Variants in FBXW7 observed in about 807,000 individuals in gnomAD.
FBXW7 encodes the protein F-box/WD repeat-containing protein 7.
In FBXW7, 11 loss-of-function variants were observed where a neutral mutation model predicts 86.3. The observed-to-expected ratio is 0.13, with a 90% CI of 0.08 to 0.21. The LOEUF is 0.21. Among genes scored for constraint, FBXW7 ranks in the 10% least tolerant of loss-of-function variants. FBXW7 has a pLI of 1.00. For missense variants in FBXW7, 488 were observed against 847.4 expected, an observed-to-expected ratio of 0.58 and a Z score of 5.27; for synonymous variants, 313 against 297.9, an observed-to-expected ratio of 1.05 and a Z score of -0.52.
chr4:152,483,462 G>A (rs1489330539), intron 2 of FBXW7, among the ~76,000 whole-genome samples: 1 of 151,542 alleles, frequency 6.6e-6, no homozygotes, highest in Non-Finnish European at 1.5e-5. Flanking sequence ...CCAGCTCTTT[G>A]GGAGGCTGAG....
At chr4:152,382,073 G>T in intron 4 of FBXW7, 1 of 587,002 alleles carries the variant, frequency 1.7e-6, no homozygotes, top group Non-Finnish European at 2.8e-6. Context: ...GCTACACAAT[G>T]CATTGATAGT....
At chr4:152,412,091 C>A (rs757553143) in intron 3 of FBXW7, among the ~76,000 whole-genome samples, 2 of 152,076 alleles carry the variant, frequency 1.3e-5, no homozygotes, top group African/African-American at 4.8e-5. Flanking sequence ...GTAAACAACA[C>A]TAATCCCTTT....
intron 2 of FBXW7, among the ~76,000 whole-genome samples, chr4:152,452,867 A>G (rs1052606613): frequency 6.6e-6 from 1 of 152,222 alleles, no homozygotes; most frequent in Non-Finnish European, 1.5e-5. Flanking sequence ...ATTAAAGACA[A>G]TTAGAGAACT....
intron 4 of FBXW7, among the ~76,000 whole-genome samples, chr4:152,359,836 T>C (rs13104667): frequency 0.044 from 6,685 of 152,120 alleles, 155 homozygotes; most frequent in Non-Finnish European, 0.053. Flanking sequence ...AATTGCCAAA[T>C]TGGGTGGAGT....
chr4:152,517,784 C>T (rs1388334085), intron 2 of FBXW7, among the ~76,000 whole-genome samples: 3 of 152,122 alleles, frequency 2.0e-5, no homozygotes, highest in Non-Finnish European at 4.4e-5. Context: ...TATAGTGGTG[C>T]CATATTAACA....
Position 152,536,010 on chromosome 4 carries a change from G to GGCA in FBXW7, c.-1097_-1096insTGC, listed in dbSNP as rs1561015711. 4 of 225,476 alleles carry GGCA rather than the reference G, an allele frequency of 1.8e-5. No individual in the cohort carries two copies. The highest frequency in any genetic ancestry group is 2.5e-5 in the Non-Finnish European group (3 of 117,722). The allele number at this position is 225,476 out of a possible 1,614,324, so 14.0% of individuals were successfully genotyped here. A position where few individuals can be genotyped will look rare whatever the true frequency, so the allele number is the denominator to read the frequency against. ...CGCTCTCAGTCTCAGCGGCGGCGGC[G>GGCA]GCGGCAGCGGCAGCGGCAGCGCCCG... On this transcript the variant is annotated 5_prime_UTR_variant, in exon 1 of 14. Transcript: ENST00000281708.
intron 2 of FBXW7, among the ~76,000 whole-genome samples, chr4:152,502,498 T>C (rs934961947): frequency 6.6e-6 from 1 of 152,166 alleles, no homozygotes; most frequent in Non-Finnish European, 1.5e-5. Flanking sequence ...ATAACACAAG[T>C]TGCAGTGATG....
chr4:152,346,344 T>C (rs1731262665), intron 6 of FBXW7, among the ~76,000 whole-genome samples: 1 of 152,120 alleles, frequency 6.6e-6, no homozygotes, highest in Admixed American at 6.6e-5. Context: ...TTACAAGCAA[T>C]GCAGTTTAGA....
At chr4:152,334,121 T>C (rs1009947339) in intron 7 of FBXW7, among the ~76,000 whole-genome samples, 3 of 152,180 alleles carry the variant, frequency 2.0e-5, no homozygotes, top group Admixed American at 6.5e-5. Flanking sequence ...ATATTCAATA[T>C]ACAAAATACT....
At chr4:152,341,364 G>C (rs1195554805) in intron 6 of FBXW7, among the ~76,000 whole-genome samples, 3 of 152,116 alleles carry the variant, frequency 2.0e-5, no homozygotes, top group Non-Finnish European at 4.4e-5. Context: ...TTGGAATATT[G>C]TTTCCCTAGA....
At position 152,510,710 on chromosome 4, in the gene FBXW7, G is replaced by GA. The variant is rs574065149; in HGVS notation, c.-120+24230dup. ...GGAAAATGCAAAAGACAGTGACTGGGAAAAAAATGAAACTTTCATGAGTTC... is the reference window on the plus strand; with the variant it reads ...GGAAAATGCAAAAGACAGTGACTGGGAAAAAAAATGAAACTTTCATGAGTTC... On this transcript the variant is annotated intron_variant, in intron 2 of 13. Transcript: ENST00000281708. Among the ~76,000 whole-genome samples the GA allele has an allele frequency of 2.1e-3, 326 of 152,210 alleles. 2 individuals are homozygous for GA. The highest frequency in any genetic ancestry group is 7.3e-3 in the African/African-American group (304 of 41,554).
chr4:152,472,259 G>C (rs1263605430), intron 2 of FBXW7, among the ~76,000 whole-genome samples: 1 of 152,152 alleles, frequency 6.6e-6, no homozygotes, highest in Non-Finnish European at 1.5e-5. Context: ...CTAAGCTGAA[G>C]ATAAACCCAA....
At chr4:152,401,709 T>G (rs966043495) in intron 4 of FBXW7, among the ~76,000 whole-genome samples, 1 of 152,108 alleles carries the variant, frequency 6.6e-6, no homozygotes, top group African/African-American at 2.4e-5. Flanking sequence ...ATGACAAAGG[T>G]AGATTCACTG....
intron 2 of FBXW7, among the ~76,000 whole-genome samples, chr4:152,426,714 A>G (rs1739421004): frequency 6.6e-6 from 1 of 152,166 alleles, no homozygotes; most frequent in African/African-American, 2.4e-5. Flanking sequence ...GATAACAGAC[A>G]AGTGTAGTGG....
chr4:152,334,553 T>C (rs1729883310), intron 7 of FBXW7, among the ~76,000 whole-genome samples: 1 of 152,228 alleles, frequency 6.6e-6, no homozygotes, highest in Non-Finnish European at 1.5e-5. Context: ...GCTTTCGTTA[T>C]CTAACTGAAG....
At chr4:152,426,861 G>A (rs1448688278) in intron 2 of FBXW7, among the ~76,000 whole-genome samples, 1 of 152,162 alleles carries the variant, frequency 6.6e-6, no homozygotes, top group African/African-American at 2.4e-5. Flanking sequence ...GAATAGAGAC[G>A]AAGGAAAGAG....
intron 2 of FBXW7, among the ~76,000 whole-genome samples, chr4:152,416,002 G>T (rs1738396117): frequency 6.6e-6 from 1 of 151,956 alleles, no homozygotes; most frequent in East Asian, 1.9e-4. Flanking sequence ...AGCAAAAATA[G>T]TACCTGCTAT....
intron 2 of FBXW7, among the ~76,000 whole-genome samples, chr4:152,460,170 C>T (rs900977): frequency 6.6e-6 from 1 of 151,944 alleles, no homozygotes; most frequent in Non-Finnish European, 1.5e-5. Flanking sequence ...TTTTTAGAAA[C>T]CTATTATACA....
At position 152,535,796 on chromosome 4, in the gene FBXW7, C is replaced by T. The variant is rs1287254015; in HGVS notation, c.-882G>A. ...CCCGTGGTAGCCGCCTCCCTGCCCCCCAAGCCGCCGGCTCCGGCTCAGGCT... is the reference window on the plus strand; with the variant it reads ...CCCGTGGTAGCCGCCTCCCTGCCCCTCAAGCCGCCGGCTCCGGCTCAGGCT... On this transcript the variant is annotated 5_prime_UTR_variant, in exon 1 of 14. Transcript: ENST00000281708. The T allele has an allele frequency of 1.0e-5, 4 of 394,324 alleles. No individual in the cohort carries two copies. Among genetic ancestry groups the T allele is most frequent in the African/African-American group, 2.1e-5 (1 of 48,226 alleles). 24.4% of individuals were successfully genotyped at this position (394,324 alleles called of 1,614,324 possible).
Sources: gnomAD v4.1 joint callset for allele counts (sites outside exome capture counted in the v4.1 genomes callset) on GRCh38, gnomAD v4.1.1 for gene constraint, MANE v1.5 for transcripts, NCBI Gene and HGNC (gene_info 2026-07-23, HGNC 2026-07-21) for gene names.